Variants in SPECC1 observed in about 807,000 individuals in gnomAD.
SPECC1 encodes the protein sperm antigen with calponin homology and coiled-coil domains 1.
A neutral mutation model predicts 104.1 loss-of-function variants in SPECC1; 62 were observed. The ratio of observed to expected loss-of-function variants is 0.60; its 90% CI spans 0.49 to 0.74. The LOEUF (loss-of-function observed/expected upper bound fraction) is 0.74. Among genes scored for constraint, SPECC1 ranks in the 30% least tolerant of loss-of-function variants. SPECC1 has a pLI of 0.00. For synonymous variants in SPECC1, 513 were observed against 501.6 expected, an observed-to-expected ratio of 1.02 and a Z score of -0.30; for missense variants, 1,306 against 1,310.5, an observed-to-expected ratio of 1.00 and a Z score of 0.05.
intron 3 of SPECC1, among the ~76,000 whole-genome samples, chr17:20,201,180 G>A (rs2036405821): frequency 1.3e-5 from 2 of 151,974 alleles, no homozygotes; most frequent in Non-Finnish European, 2.9e-5. Flanking sequence ...AAAGAAAGTG[G>A]CTGGGCACGG....
At chr17:20,040,661 C>A (rs750089882) in intron 1 of SPECC1, among the ~76,000 whole-genome samples, 6 of 152,178 alleles carry the variant, frequency 3.9e-5, no homozygotes, top group Non-Finnish European at 8.8e-5. Flanking sequence ...TTCCTTCTGG[C>A]TTCCTTAATT....
At chr17:20,237,991 C>T (rs2039014071) in intron 7 of SPECC1, 10 of 1,009,044 alleles carry the variant, frequency 9.9e-6, no homozygotes, top group Non-Finnish European at 1.2e-5. Context: ...ATCTGGCCGC[C>T]TCAGCCTCCC....
chr17:20,312,271 C>G (rs1230008797), intron 14 of SPECC1, among the ~76,000 whole-genome samples: 1 of 152,154 alleles, frequency 6.6e-6, no homozygotes, highest in African/African-American at 2.4e-5. Flanking sequence ...ACTACTAATT[C>G]AAACAAATGT....
intron 6 of SPECC1, 28 bp from the exon 7 acceptor site, chr17:20,232,171 GA>G: frequency 6.2e-7 from 1 of 1,612,858 alleles, no homozygotes; most frequent in Non-Finnish European, 8.5e-7. Flanking sequence ...GCAGGCGTCT[GA>G]CATAAGGATG....
chr17:20,316,731 C>T lies in SPECC1; in HGVS notation c.*2666C>T, dbSNP rs572356727. On this transcript the variant is annotated 3_prime_UTR_variant, in exon 15 of 15. Transcript: ENST00000395527. The stretch of plus-strand genomic sequence containing the variant: ...TTTTTTTTTGAGACAGAGTCTTGCT[C>T]TGTCGCCCAGGCTGGAGTGCCAGTG... 2.0e-4 allele frequency: 39 copies of T among 190,980 alleles called. No individual in the cohort carries two copies. The highest frequency in any genetic ancestry group is 9.2e-4 in the African/African-American group (39 of 42,316). 11.8% of individuals were successfully genotyped at this position (190,980 alleles called of 1,614,324 possible).
chr17:20,180,104 A>G (rs2034766978), intron 3 of SPECC1, among the ~76,000 whole-genome samples: 2 of 152,244 alleles, frequency 1.3e-5, no homozygotes, highest in Non-Finnish European at 2.9e-5. Flanking sequence ...CTAACCAAGT[A>G]GTAAAACATA....
intron 4 of SPECC1, among the ~76,000 whole-genome samples, chr17:20,206,746 C>G (rs1439376142): frequency 1.3e-5 from 2 of 152,090 alleles, no homozygotes; most frequent in African/African-American, 2.4e-5. Flanking sequence ...AGAGTATAAA[C>G]ATTTTAAAGA....
intron 1 of SPECC1, among the ~76,000 whole-genome samples, chr17:20,036,145 T>C (rs1314264720): frequency 7.5e-6 from 1 of 132,724 alleles, no homozygotes; most frequent in Non-Finnish European, 1.5e-5. Flanking sequence ...CTTTATTTTA[T>C]TTTTTTTGAG....
chr17:20,199,507 C>T (rs1048065308), intron 3 of SPECC1, among the ~76,000 whole-genome samples: 6 of 148,258 alleles, frequency 4.0e-5, no homozygotes, highest in African/African-American at 1.5e-4. Flanking sequence ...CTCAAGTGAT[C>T]CTCCTACCTC....
intron 1 of SPECC1, among the ~76,000 whole-genome samples, chr17:20,059,799 T>A (rs1270060803): frequency 2.0e-5 from 3 of 152,150 alleles, no homozygotes; most frequent in Non-Finnish European, 4.4e-5. Flanking sequence ...GAGTTTCAGG[T>A]TGCAGTGAGC....
At chr17:20,295,681 G>A (rs1302941343) in intron 12 of SPECC1, among the ~76,000 whole-genome samples, 1 of 152,182 alleles carries the variant, frequency 6.6e-6, no homozygotes, top group Non-Finnish European at 1.5e-5. Flanking sequence ...TCCAGCACCT[G>A]TTATTTCCTG....
chr17:20,273,397 G>C lies in SPECC1; in HGVS notation c.2940+13103G>C, dbSNP rs545290024. 2.0e-5 allele frequency among the ~76,000 whole-genome samples: 3 copies of C among 151,850 alleles called. No homozygotes were observed. In the South Asian group the frequency reaches 6.3e-4, roughly 32 times the overall value. ...GGAGGCTGAGGCATGAGAGTCTCTT[G>C]AACCTGGGAGGCGGAGGCGAGATCG... is the stretch of plus-strand genomic sequence containing the variant. On this transcript the variant is annotated intron_variant, in intron 12 of 14. Transcript: ENST00000395527.
intron 3 of SPECC1, among the ~76,000 whole-genome samples, chr17:20,201,846 T>C (rs756485644): frequency 1.4e-4 from 21 of 152,140 alleles, no homozygotes; most frequent in Non-Finnish European, 2.8e-4. Flanking sequence ...TCCATTTATA[T>C]GGAGACTTAA....
At chr17:20,081,147 C>G (rs1236453279) in intron 1 of SPECC1, among the ~76,000 whole-genome samples, 1 of 152,076 alleles carries the variant, frequency 6.6e-6, no homozygotes, top group Non-Finnish European at 1.5e-5. Context: ...CACTGTGTGA[C>G]TTTTTAGTAG....
intron 3 of SPECC1, among the ~76,000 whole-genome samples, chr17:20,193,253 C>T (rs905028889): frequency 1.3e-5 from 2 of 152,170 alleles, no homozygotes; most frequent in Non-Finnish European, 2.9e-5. Context: ...TTACTGCAGC[C>T]TGTTATATCA....
At chr17:20,284,950 C>G (rs2040891856) in intron 12 of SPECC1, among the ~76,000 whole-genome samples, 1 of 152,152 alleles carries the variant, frequency 6.6e-6, no homozygotes, top group African/African-American at 2.4e-5. Context: ...TACACAGAGT[C>G]AGTTCATTCA....
chr17:20,155,785 A>G, intron 3 of SPECC1: 1 of 414,968 alleles, frequency 2.4e-6, no homozygotes, highest in South Asian at 9.7e-5. Context: ...TGCGGTTCTC[A>G]GCATCCGCGG....
chr17:20,083,439 A>G (rs2152493110), intron 1 of SPECC1, among the ~76,000 whole-genome samples: 1 of 152,378 alleles, frequency 6.6e-6, no homozygotes, highest in Non-Finnish European at 1.5e-5. Flanking sequence ...GTGAACTGAC[A>G]TTTGATCTGG....
intron 1 of SPECC1, among the ~76,000 whole-genome samples, chr17:20,055,666 C>T (rs1463496551): frequency 1.3e-5 from 2 of 152,238 alleles, no homozygotes; most frequent in Non-Finnish European, 2.9e-5. Flanking sequence ...ATCATAACTT[C>T]ACTCTCTAGC....
Sources: gnomAD v4.1 joint callset for allele counts (sites outside exome capture counted in the v4.1 genomes callset) on GRCh38, gnomAD v4.1.1 for gene constraint, MANE v1.5 for transcripts, NCBI Gene and HGNC (gene_info 2026-07-23, HGNC 2026-07-21) for gene names.